The following CCDC91 variants were observed in gnomAD, a reference collection of about 807,000 sequenced individuals.
CCDC91 encodes the protein coiled-coil domain-containing protein 91.
Under a neutral mutation model 63.2 loss-of-function variants are expected in CCDC91, and 48 were observed. The ratio of observed to expected loss-of-function variants is 0.76; its 90% CI spans 0.60 to 0.97. The LOEUF (loss-of-function observed/expected upper bound fraction) is 0.97, where lower values mean the gene tolerates loss of function less well. Ranked by LOEUF, CCDC91 falls within the 50% of genes least tolerant of loss-of-function variation. CCDC91 has a pLI of 0.00. For missense variants in CCDC91, 500 were observed against 494.6 expected, an observed-to-expected ratio of 1.01 and a Z score of -0.10; for synonymous variants, 167 against 165.8, an observed-to-expected ratio of 1.01 and a Z score of -0.06.
chr12:28,305,536 T>A, intron 3 of CCDC91, 113 bp from the exon 4 acceptor site: 1 of 889,570 alleles, frequency 1.1e-6, no homozygotes, highest in Non-Finnish European at 1.6e-6. Context: ...GCTTTTACTT[T>A]CCTTACTTTT....
chr12:28,507,517 G>A (rs557598006), intron 12 of CCDC91, among the ~76,000 whole-genome samples: 1 of 152,060 alleles, frequency 6.6e-6, no homozygotes, highest in Admixed American at 6.6e-5. Context: ...AAAGATATTT[G>A]TCCAAGGGAT....
intron 6 of CCDC91, among the ~76,000 whole-genome samples, chr12:28,332,773 A>G (rs1941613359): frequency 6.6e-6 from 1 of 151,818 alleles, no homozygotes; most frequent in African/African-American, 2.4e-5. Context: ...CCCTTATTAG[A>G]TATTCCTGAT....
intron 7 of CCDC91, among the ~76,000 whole-genome samples, chr12:28,386,346 T>G (rs1164045808): frequency 6.6e-6 from 1 of 152,166 alleles, no homozygotes; most frequent in Non-Finnish European, 1.5e-5. Flanking sequence ...GACCTACAAA[T>G]TTTTTAACAC....
intron 11 of CCDC91, among the ~76,000 whole-genome samples, chr12:28,452,954 G>A (rs553813516): frequency 9.9e-5 from 15 of 151,724 alleles, no homozygotes; most frequent in Non-Finnish European, 1.8e-4. Context: ...ACCTTTCTGT[G>A]TTGTTTTTCC....
intron 1 of CCDC91, among the ~76,000 whole-genome samples, chr12:28,203,744 G>T (rs548056490): frequency 1.4e-4 from 21 of 152,304 alleles, no homozygotes; most frequent in Admixed American, 5.9e-4. Flanking sequence ...ATAATAAGTA[G>T]TATGGTGCAG....
intron 3 of CCDC91, among the ~76,000 whole-genome samples, chr12:28,264,442 G>C (rs1420561432): frequency 6.7e-6 from 1 of 149,740 alleles, no homozygotes; most frequent in Non-Finnish European, 1.5e-5. Context: ...ATGTTCATAA[G>C]GCTAGTAATG....
intron 1 of CCDC91, among the ~76,000 whole-genome samples, chr12:28,210,886 C>T (rs1273860205): frequency 6.6e-6 from 1 of 151,882 alleles, no homozygotes; most frequent in Non-Finnish European, 1.5e-5. Flanking sequence ...CAAATAGTTA[C>T]AAAGTCAAGC....
chr12:28,333,848 G>A (rs1941710768), intron 6 of CCDC91, among the ~76,000 whole-genome samples: 3 of 152,124 alleles, frequency 2.0e-5, no homozygotes, highest in Admixed American at 6.5e-5. Context: ...GCGAATGTGA[G>A]TTACAAGTTT....
intron 12 of CCDC91, among the ~76,000 whole-genome samples, chr12:28,545,277 G>T (rs574303766): frequency 6.6e-6 from 1 of 152,114 alleles, no homozygotes; most frequent in South Asian, 2.1e-4. Flanking sequence ...AGCAAAAAAG[G>T]TGAATATTTT....
In CCDC91 at chr12:28,230,419, C is replaced by T. The variant is rs539104509; in HGVS notation, c.-14-26783C>T. Among the ~76,000 whole-genome samples, 5 of 152,148 alleles carry T rather than the reference C, an allele frequency of 3.3e-5. No homozygotes were observed. The South Asian group carries it at 1.0e-3, about 32-fold the overall frequency. ...ACATAATATTAAATAGTGGTATTTA[C>T]TAGTAGGAGCAAAACTGAGTACTAA... On this transcript the variant is annotated intron_variant, in intron 1 of 12. Transcript: ENST00000536442.
intron 1 of CCDC91, among the ~76,000 whole-genome samples, chr12:28,220,939 G>A (rs142388077): frequency 6.6e-6 from 1 of 151,618 alleles, no homozygotes; most frequent in Non-Finnish European, 1.5e-5. Flanking sequence ...GTTCTTTCTC[G>A]CTATTCTTTA....
At chr12:28,477,538 T>C (rs1951173312) in intron 11 of CCDC91, among the ~76,000 whole-genome samples, 1 of 152,092 alleles carries the variant, frequency 6.6e-6, no homozygotes. Flanking sequence ...CTGGAAGCAT[T>C]CCATTTGAAA....
rs1311555173 is a variant in CCDC91, at chr12:28,484,020, T to G, written c.1102-32T>G. The stretch of plus-strand genomic sequence containing the variant: ...ACACAGATATGTCATAGTGCTCACC[T>G]CCCTGACTGTTTTGCCTTCTCCCAC... On this transcript the variant is annotated intron_variant, in intron 11 of 12. Transcript: ENST00000536442. 10 of 1,351,672 alleles carry G rather than the reference T, an allele frequency of 7.4e-6. No homozygotes were observed. In the South Asian group the frequency reaches 8.5e-5, roughly 12 times the overall value. 83.7% of individuals were successfully genotyped at this position (1,351,672 alleles called of 1,614,324 possible). A position where few individuals can be genotyped will look rare whatever the true frequency, so the allele number is the denominator to read the frequency against.
intron 1 of CCDC91, among the ~76,000 whole-genome samples, chr12:28,230,075 G>T (rs1944493819): frequency 6.6e-6 from 1 of 152,120 alleles, no homozygotes; most frequent in Non-Finnish European, 1.5e-5. Flanking sequence ...ACTTCTGAGG[G>T]TGAGAGATGG....
chr12:28,317,228 T>C (rs188545130), intron 6 of CCDC91, among the ~76,000 whole-genome samples: 227 of 152,158 alleles, frequency 1.5e-3, no homozygotes, highest in Non-Finnish European at 2.8e-3. Flanking sequence ...TCCCAGTTTG[T>C]GCTTCTATTT....
At chr12:28,310,097 A>T (rs1939163061) in intron 6 of CCDC91, among the ~76,000 whole-genome samples, 1 of 152,044 alleles carries the variant, frequency 6.6e-6, no homozygotes, top group East Asian at 1.9e-4. Context: ...CTCCCCAAGG[A>T]CTAATTACAT....
At chr12:28,510,523 T>G (rs1188317573) in intron 12 of CCDC91, among the ~76,000 whole-genome samples, 1 of 151,888 alleles carries the variant, frequency 6.6e-6, no homozygotes, top group Admixed American at 6.6e-5. Context: ...TTTGTTTTAG[T>G]CAGGTCTTCA....
intron 12 of CCDC91, among the ~76,000 whole-genome samples, chr12:28,508,834 G>A (rs535876293): frequency 6.6e-6 from 1 of 151,760 alleles, no homozygotes; most frequent in East Asian, 2.0e-4. Context: ...TCTACCCCTC[G>A]GTTCCTGAAC....
intron 11 of CCDC91, among the ~76,000 whole-genome samples, chr12:28,483,465 T>C (rs1951551676): frequency 6.6e-6 from 1 of 152,122 alleles, no homozygotes. Context: ...CTTAGCTACC[T>C]GATTACTATT....
Sources: allele counts gnomAD v4.1 joint callset (sites outside exome capture counted in the v4.1 genomes callset), GRCh38; gene constraint gnomAD v4.1.1; transcripts MANE v1.5; gene names NCBI Gene and HGNC (gene_info 2026-07-23, HGNC 2026-07-21).